CLXN: variants seen among roughly 807,000 people sequenced by gnomAD.
The protein encoded by CLXN is EF-hand calcium binding domain 1.
chr8:48,723,682 G>A, the CLXN span: 1 of 152,222 alleles, frequency 6.6e-6, no homozygotes, highest in Non-Finnish European at 1.5e-5. Flanking sequence ...AGCACATACT[G>A]GGGAACTGGA....
At chr8:48,725,834 T>A in the CLXN span, among the ~76,000 whole-genome samples, 24 of 151,568 alleles carry the variant, frequency 1.6e-4, no homozygotes, top group East Asian at 3.7e-3. Flanking sequence ...AATAAATAAA[T>A]AAATAAATAA....
At chr8:48,719,848 T>C in the CLXN span, among the ~76,000 whole-genome samples, 1 of 152,174 alleles carries the variant, frequency 6.6e-6, no homozygotes, top group African/African-American at 2.4e-5. Context: ...AAACTTCTGG[T>C]AGAAACGGTG....
chr8:48,716,751 A>G, the CLXN span, among the ~76,000 whole-genome samples: 5 of 152,108 alleles, frequency 3.3e-5, no homozygotes, highest in African/African-American at 1.2e-4. Context: ...ATTTGAGATT[A>G]TCCAGTTGGG....
chr8:48,728,680 A>G, the CLXN span, among the ~76,000 whole-genome samples: 3 of 152,364 alleles, frequency 2.0e-5, no homozygotes, highest in African/African-American at 7.2e-5. Context: ...CCTGGCATTG[A>G]TGAAGAACAT....
At chr8:48,721,037 G>T in the CLXN span, among the ~76,000 whole-genome samples, 2 of 152,070 alleles carry the variant, frequency 1.3e-5, no homozygotes, top group African/African-American at 4.8e-5. Context: ...CATATATGTA[G>T]AAAACCCTAC....
the CLXN span, among the ~76,000 whole-genome samples, chr8:48,731,984 T>C: frequency 6.6e-6 from 1 of 152,116 alleles, no homozygotes; most frequent in Admixed American, 6.5e-5. Flanking sequence ...GAAACTAGAG[T>C]CACCAGTTTT....
At chr8:48,729,103 A>G in the CLXN span, 1 of 1,613,688 alleles carries the variant, frequency 6.2e-7, no homozygotes, top group Non-Finnish European at 8.5e-7. Flanking sequence ...TCTCACAGCC[A>G]GTTCATAGTC....
At chr8:48,724,417 A>G in the CLXN span, 12 of 187,562 alleles carry the variant, frequency 6.4e-5, no homozygotes, top group Admixed American at 1.8e-4. Context: ...TTGTATTAAC[A>G]ATTCATAATT....
At chr8:48,719,091 A>G in the CLXN span, among the ~76,000 whole-genome samples, 1 of 152,064 alleles carries the variant, frequency 6.6e-6, no homozygotes, top group Non-Finnish European at 1.5e-5. Flanking sequence ...ATGAAAGAGG[A>G]GCCATTACAA....
chr8:48,732,027 C>T, the CLXN span, among the ~76,000 whole-genome samples: 5 of 152,094 alleles, frequency 3.3e-5, no homozygotes, highest in African/African-American at 9.7e-5. Context: ...TATTTTAGCA[C>T]CCAATATGGC....
At chr8:48,734,947 T>C in the CLXN span, 1 of 884,336 alleles carries the variant, frequency 1.1e-6, no homozygotes, top group Non-Finnish European at 1.7e-6. Flanking sequence ...CTCTGACTTC[T>C]GCTTAAGGGG....
the CLXN span, among the ~76,000 whole-genome samples, chr8:48,729,445 C>A: frequency 6.6e-6 from 1 of 151,714 alleles, no homozygotes; most frequent in Non-Finnish European, 1.5e-5. Flanking sequence ...ATTGCTTGAG[C>A]CCAAGAGTTT....
the CLXN span, among the ~76,000 whole-genome samples, chr8:48,730,944 A>G: frequency 6.6e-6 from 1 of 152,134 alleles, no homozygotes; most frequent in Non-Finnish European, 1.5e-5. Flanking sequence ...AGATAAATAT[A>G]TGAATATAAA....
the CLXN span, among the ~76,000 whole-genome samples, chr8:48,732,766 A>G: frequency 6.6e-6 from 1 of 152,206 alleles, no homozygotes; most frequent in African/African-American, 2.4e-5. Context: ...ATACAATGAA[A>G]TATCATTCAG....
At chr8:48,726,766 C>T in the CLXN span, among the ~76,000 whole-genome samples, 7 of 148,888 alleles carry the variant, frequency 4.7e-5, no homozygotes, top group East Asian at 1.4e-3. Flanking sequence ...TCCATCTACC[C>T]ACTTACCCAC....
At chr8:48,721,600 C>G in the CLXN span, among the ~76,000 whole-genome samples, 1 of 152,154 alleles carries the variant, frequency 6.6e-6, no homozygotes, top group African/African-American at 2.4e-5. Context: ...GGCATAAAAA[C>G]AAACATATAG....
At chr8:48,732,227 G>C in the CLXN span, among the ~76,000 whole-genome samples, 3 of 152,146 alleles carry the variant, frequency 2.0e-5, no homozygotes, top group African/African-American at 7.2e-5. Flanking sequence ...GTAGGTGGAA[G>C]GGTTATTGCC....
the CLXN span, among the ~76,000 whole-genome samples, chr8:48,714,137 G>A: frequency 5.3e-5 from 8 of 152,198 alleles, no homozygotes; most frequent in South Asian, 2.1e-4. Flanking sequence ...TGTACTTAGC[G>A]GGGAGAAAAG....
the CLXN span, chr8:48,729,679 C>T: frequency 1.3e-6 from 2 of 1,548,774 alleles, no homozygotes; most frequent in Non-Finnish European, 1.8e-6. Context: ...CATATCTGGC[C>T]CACAAATTTT....
Sources: gnomAD v4.1 joint callset for allele counts (sites outside exome capture counted in the v4.1 genomes callset) on GRCh38, gnomAD v4.1.1 for gene constraint, MANE v1.5 for transcripts, NCBI Gene and HGNC (gene_info 2026-07-23, HGNC 2026-07-21) for gene names.